Variants in ITGB3BP observed in about 807,000 individuals in gnomAD.
ITGB3BP encodes the protein centromere protein R.
Under a neutral mutation model 29.1 loss-of-function variants are expected in ITGB3BP, and 27 were observed. The observed-to-expected ratio is 0.93, with a 90% confidence interval of 0.68 to 1.28. The LOEUF is 1.28. Among genes scored for constraint, ITGB3BP ranks in the 50% most tolerant of loss-of-function variants. The pLI is 0.00. For missense variants in ITGB3BP, 192 were observed against 200.2 expected (o/e 0.96, Z 0.25); for synonymous variants, 61 against 61.4 (o/e 0.99, Z 0.03).
intron 8 of ITGB3BP, 94 bp downstream of exon 8, chr1:63,446,712 A>G (rs1644795075): frequency 2.2e-6 from 2 of 903,808 alleles, no homozygotes; most frequent in Non-Finnish European, 3.6e-6. Flanking sequence ...GGAAGACAAT[A>G]CCAAATCTGA....
At chr1:63,510,079 A>G (rs1449229211) in intron 1 of ITGB3BP, 1 of 608,918 alleles carries the variant, frequency 1.6e-6, no homozygotes, top group Non-Finnish European at 3.0e-6. Context: ...AATCCCAACT[A>G]CTCCCAAGGC....
chr1:63,448,096 G>A (rs576561321), intron 7 of ITGB3BP, among the ~76,000 whole-genome samples: 8 of 145,242 alleles, frequency 5.5e-5, no homozygotes, highest in South Asian at 2.2e-4. Context: ...ACCAAACACC[G>A]CATGTTCTCA....
chr1:63,525,889 C>T (rs1385929182), upstream of ITGB3BP: 1 of 622,418 alleles, frequency 1.6e-6, no homozygotes, highest in Non-Finnish European at 2.7e-6. Context: ...AATGGAACTA[C>T]AGTAAGCTAT....
chr1:63,527,534 G>C (rs1328388903), upstream of ITGB3BP, among the ~76,000 whole-genome samples: 1 of 151,836 alleles, frequency 6.6e-6, no homozygotes, highest in African/African-American at 2.4e-5. Flanking sequence ...CAGGATTATA[G>C]ATGCATGTCA....
chr1:63,456,126 T>A (rs1212682189), intron 4 of ITGB3BP, among the ~76,000 whole-genome samples: 3 of 152,178 alleles, frequency 2.0e-5, no homozygotes, highest in African/African-American at 7.2e-5. Flanking sequence ...TCTATTTAAA[T>A]GCTTTTTCAA....
At chr1:63,458,099 A>G (rs1644961560) in intron 4 of ITGB3BP, 1 of 152,162 alleles carries the variant, frequency 6.6e-6, no homozygotes, top group Admixed American at 6.6e-5. Flanking sequence ...TTTATTCTGA[A>G]AAACAACTGA....
chr1:63,522,975 G>A, intron 1 of ITGB3BP, 154 bp downstream of exon 1: 2 of 858,628 alleles, frequency 2.3e-6, no homozygotes, highest in Non-Finnish European at 4.1e-6. Context: ...ACGTAGAGTT[G>A]AGGGTACCAA....
intron 4 of ITGB3BP, among the ~76,000 whole-genome samples, chr1:63,473,569 A>G (rs537083632): frequency 3.1e-3 from 171 of 55,278 alleles, no homozygotes; most frequent in African/African-American, 4.1e-3. Context: ...GGGAGGGGGG[A>G]GGGGGGGTCA....
intron 8 of ITGB3BP, among the ~76,000 whole-genome samples, chr1:63,445,231 A>C (rs2100466922): frequency 6.6e-6 from 1 of 152,296 alleles, no homozygotes. Context: ...GGTTTCAGTG[A>C]GCCGAGATCG....
chr1:63,477,056 AAC>A (rs1464909946), intron 4 of ITGB3BP, among the ~76,000 whole-genome samples: 2 of 152,212 alleles, frequency 1.3e-5, no homozygotes, highest in Non-Finnish European at 2.9e-5. Flanking sequence ...AAAAGACTGA[AAC>A]ACGCAAATAT....
At chr1:63,493,909 T>C (rs1285497259) in intron 2 of ITGB3BP, among the ~76,000 whole-genome samples, 6 of 152,214 alleles carry the variant, frequency 3.9e-5, no homozygotes, top group African/African-American at 1.2e-4. Flanking sequence ...AAAATACAGA[T>C]ACTGTAGTGT....
chr1:63,472,628 G>A (rs1465441102), intron 4 of ITGB3BP, among the ~76,000 whole-genome samples: 4 of 150,716 alleles, frequency 2.7e-5, no homozygotes, highest in African/African-American at 7.3e-5. Context: ...GCGCCGCCAC[G>A]CCTGATTGGT....
chr1:63,459,509 A>C (rs1183497438), intron 4 of ITGB3BP, among the ~76,000 whole-genome samples: 1 of 152,162 alleles, frequency 6.6e-6, no homozygotes, highest in Admixed American at 6.5e-5. Flanking sequence ...ATCTCCCTTG[A>C]CCTAAACTGA....
intron 2 of ITGB3BP, among the ~76,000 whole-genome samples, chr1:63,493,089 C>CACACAA (rs879871355): frequency 9.9e-6 from 1 of 101,258 alleles, no homozygotes; most frequent in East Asian, 2.9e-4. Flanking sequence ...CACACACACA[C>CACACAA]GCGCGCGCGC....
chr1:63,506,211 A>G (rs896486404), intron 2 of ITGB3BP, among the ~76,000 whole-genome samples: 1 of 152,158 alleles, frequency 6.6e-6, no homozygotes, highest in Non-Finnish European at 1.5e-5. Context: ...TATTGGGTGC[A>G]TATATATTTA....
chr1:63,528,066 C>T (rs535011540), upstream of ITGB3BP: 1 of 152,208 alleles, frequency 6.6e-6, no homozygotes, highest in Non-Finnish European at 1.5e-5. Flanking sequence ...GATCTAGCAT[C>T]CTACTGCTTG....
At chr1:63,477,581 G>A (rs774795730) in intron 4 of ITGB3BP, among the ~76,000 whole-genome samples, 10 of 152,094 alleles carry the variant, frequency 6.6e-5, no homozygotes, top group Admixed American at 2.0e-4. Flanking sequence ...TTAGTAGGGC[G>A]TGGTGGCGTG....
chr1:63,486,871 C>T (rs1645541132), intron 3 of ITGB3BP, among the ~76,000 whole-genome samples: 1 of 151,974 alleles, frequency 6.6e-6, no homozygotes, highest in African/African-American at 2.4e-5. Context: ...AGATTATCAG[C>T]ATCACATGGT....
At chr1:63,509,536 G>A (rs1388223363) in intron 1 of ITGB3BP, among the ~76,000 whole-genome samples, 1 of 152,118 alleles carries the variant, frequency 6.6e-6, no homozygotes, top group Non-Finnish European at 1.5e-5. Flanking sequence ...CTATTCGTAA[G>A]TAACTATTGA....
Sources: gnomAD v4.1 joint callset for allele counts (sites outside exome capture counted in the v4.1 genomes callset) on GRCh38, gnomAD v4.1.1 for gene constraint, MANE v1.5 for transcripts, NCBI Gene and HGNC (gene_info 2026-07-23, HGNC 2026-07-21) for gene names.